Variants in MCU observed in about 807,000 individuals in gnomAD.
MCU encodes calcium uniporter protein, mitochondrial.
In MCU, 12 loss-of-function variants were observed where a neutral mutation model predicts 45.2. That is an observed-to-expected ratio of 0.27 (90% CI 0.17 to 0.43). The LOEUF is 0.43. MCU is among the 20% of genes least tolerant of loss of function. The pLI, the probability that MCU is intolerant of heterozygous loss-of-function variation, is 1.00. For synonymous variants in MCU, 160 were observed against 165.1 expected, an observed-to-expected ratio of 0.97 and a Z score of 0.24; for missense variants, 324 against 436.7, an observed-to-expected ratio of 0.74 and a Z score of 2.30.
At chr10:72,805,280 G>A (rs534216166) in intron 1 of MCU, among the ~76,000 whole-genome samples, 83 of 137,666 alleles carry the variant, frequency 6.0e-4, no homozygotes, top group African/African-American at 2.2e-3. Context: ...ACAGGGTCTC[G>A]CTCTGTTGCC....
At chr10:72,865,985 G>T (rs1206413289) in intron 4 of MCU, among the ~76,000 whole-genome samples, 2 of 150,708 alleles carry the variant, frequency 1.3e-5, no homozygotes, top group Non-Finnish European at 3.0e-5. Flanking sequence ...CACCATGTTA[G>T]CCAGAATGGT....
chr10:72,703,835 G>A (rs757076980), intron 1 of MCU, among the ~76,000 whole-genome samples: 1 of 152,078 alleles, frequency 6.6e-6, no homozygotes, highest in Non-Finnish European at 1.5e-5. Flanking sequence ...GGCAGAGGCT[G>A]CAGTGAGCAG....
rs561140696 is a variant in MCU at position 72,697,846 on chromosome 10, G to T, written c.150+5545G>T. Among the ~76,000 whole-genome samples, 3 of 152,188 alleles carry T rather than the reference G, an allele frequency of 2.0e-5. No individual in the cohort carries two copies. The East Asian group carries it at 5.8e-4, about 29-fold the overall frequency. Reference sequence around the variant, plus strand: ...GCAGTGGTGTGGTCATAGCTTGCTGGAACCCTCAACTCCTGGGCTTAAGCA... The same window carrying T: ...GCAGTGGTGTGGTCATAGCTTGCTGTAACCCTCAACTCCTGGGCTTAAGCA... On this transcript the variant is annotated intron_variant, in intron 1 of 7. Transcript: ENST00000373053.
intron 2 of MCU, among the ~76,000 whole-genome samples, chr10:72,852,859 GCC>G (rs1442515824): frequency 1.3e-5 from 2 of 152,162 alleles, no homozygotes; most frequent in African/African-American, 4.8e-5. Context: ...CATAACTATT[GCC>G]AGTAATATAA....
At chr10:72,705,593 G>A (rs1051441755) in intron 1 of MCU, among the ~76,000 whole-genome samples, 3 of 152,112 alleles carry the variant, frequency 2.0e-5, no homozygotes, top group Non-Finnish European at 4.4e-5. Context: ...TGAGGCGGGC[G>A]GATCACCTAA....
In MCU at chr10:72,783,466, A is replaced by G. The variant is rs1191645538; in HGVS notation, c.151-50893A>G. Among the ~76,000 whole-genome samples, 6 of 151,022 alleles carry G rather than the reference A, an allele frequency of 4.0e-5. No homozygotes were observed. In the South Asian group the frequency reaches 1.0e-3, roughly 26 times the overall value. On this transcript the variant is annotated intron_variant, in intron 1 of 7. Transcript: ENST00000373053. ...GCATCTAGGAGGCTTTGCATATGCCATGTGCCACTTATTCAACTCTTTGGC... is the reference window on the plus strand; with the variant it reads ...GCATCTAGGAGGCTTTGCATATGCCGTGTGCCACTTATTCAACTCTTTGGC...
At chr10:72,807,473 C>CT (rs367763110) in intron 1 of MCU, among the ~76,000 whole-genome samples, 1 of 151,570 alleles carries the variant, frequency 6.6e-6, no homozygotes. Flanking sequence ...TCAATGAGTT[C>CT]TTTTTTTTGT....
intron 1 of MCU, among the ~76,000 whole-genome samples, chr10:72,741,927 C>A (rs976402470): frequency 2.1e-5 from 3 of 143,692 alleles, no homozygotes; most frequent in Admixed American, 7.3e-5. Context: ...ACTGGGGAGG[C>A]TGAGGCAGGA....
chr10:72,847,994 A>G (rs1014593115), intron 2 of MCU, among the ~76,000 whole-genome samples: 4 of 152,178 alleles, frequency 2.6e-5, no homozygotes, highest in African/African-American at 9.7e-5. Flanking sequence ...AGTAAAGCCT[A>G]TTATGACATA....
At chr10:72,811,965 TCAGC>T (rs533284871) in intron 1 of MCU, among the ~76,000 whole-genome samples, 118 of 152,140 alleles carry the variant, frequency 7.8e-4, no homozygotes, top group Non-Finnish European at 1.5e-3. Flanking sequence ...TAAATTTTAT[TCAGC>T]CAACCCTGTG....
intron 1 of MCU, chr10:72,693,157 T>A: frequency 1.6e-6 from 2 of 1,288,640 alleles, no homozygotes; most frequent in South Asian, 1.3e-5. Flanking sequence ...GATTTCTGTT[T>A]GAACACTCTT....
At chr10:72,718,873 C>A (rs559388413) in intron 1 of MCU, among the ~76,000 whole-genome samples, 4 of 152,216 alleles carry the variant, frequency 2.6e-5, no homozygotes, top group African/African-American at 9.6e-5. Flanking sequence ...ACAAAAGAAG[C>A]CAGACACTAA....
intron 1 of MCU, among the ~76,000 whole-genome samples, chr10:72,801,354 T>TTC (rs1491169285): frequency 1.7e-5 from 2 of 115,020 alleles, no homozygotes; most frequent in African/African-American, 1.0e-4. Context: ...TAATGCTTTC[T>TTC]TTTTTTTTTT....
chr10:72,875,989 T>C (rs557514411), intron 6 of MCU, among the ~76,000 whole-genome samples: 85 of 152,192 alleles, frequency 5.6e-4, no homozygotes, highest in African/African-American at 1.8e-3. Flanking sequence ...AGATAAACAG[T>C]ATATTAAACC....
At chr10:72,733,200 T>C (rs1843202049) in intron 1 of MCU, among the ~76,000 whole-genome samples, 1 of 152,266 alleles carries the variant, frequency 6.6e-6, no homozygotes, top group African/African-American at 2.4e-5. Flanking sequence ...GGCTCACGCC[T>C]GTAATCCCAG....
intron 1 of MCU, among the ~76,000 whole-genome samples, chr10:72,784,859 A>T (rs1467271015): frequency 6.6e-6 from 1 of 152,132 alleles, no homozygotes; most frequent in South Asian, 2.1e-4. Flanking sequence ...CTAAATGCTG[A>T]TGTGTTCTCA....
chr10:72,853,650 A>G (rs1384736454), intron 2 of MCU, among the ~76,000 whole-genome samples: 2 of 152,300 alleles, frequency 1.3e-5, no homozygotes, highest in East Asian at 1.9e-4. Context: ...ACAACTCCCA[A>G]CCATTCATAA....
intron 6 of MCU, among the ~76,000 whole-genome samples, chr10:72,872,126 T>G (rs1776726341): frequency 1.3e-5 from 2 of 152,144 alleles, no homozygotes; most frequent in African/African-American, 4.8e-5. Flanking sequence ...AATACTCAAG[T>G]CTATTCTTTT....
chr10:72,756,043 G>A (rs934208678), intron 1 of MCU, among the ~76,000 whole-genome samples: 6 of 152,068 alleles, frequency 3.9e-5, no homozygotes, highest in Non-Finnish European at 7.4e-5. Context: ...TAGAGACAAG[G>A]TCTCGCTTTG....
Sources: gnomAD v4.1 joint callset for allele counts (sites outside exome capture counted in the v4.1 genomes callset) on GRCh38, gnomAD v4.1.1 for gene constraint, MANE v1.5 for transcripts, NCBI Gene and HGNC (gene_info 2026-07-23, HGNC 2026-07-21) for gene names.